KIAA0753: variants seen among roughly 807,000 people sequenced by gnomAD.
KIAA0753 encodes protein moonraker.
In KIAA0753, 114 loss-of-function variants were observed where a neutral mutation model predicts 116.9. That is an observed-to-expected ratio of 0.98 (90% CI 0.84 to 1.14). The LOEUF is 1.14. Among genes scored for constraint, KIAA0753 ranks in the 50% most tolerant of loss-of-function variants. KIAA0753 has a pLI of 0.00. For missense variants in KIAA0753, 1,156 were observed against 1,172.4 expected (o/e 0.99, Z 0.20); for synonymous variants, 405 against 413.1 (o/e 0.98, Z 0.24).
At chr17:6,629,827 TAGAA>T (rs1230583863) in intron 2 of KIAA0753, among the ~76,000 whole-genome samples, 5 of 152,302 alleles carry the variant, frequency 3.3e-5, no homozygotes, top group African/African-American at 1.2e-4. Flanking sequence ...AAAAAGTAGT[TAGAA>T]AGCTCACTAA....
intron 16 of KIAA0753, among the ~76,000 whole-genome samples, chr17:6,593,765 T>C (rs1969262030): frequency 6.6e-6 from 1 of 152,188 alleles, no homozygotes; most frequent in South Asian, 2.1e-4. Context: ...ACACCTGTAG[T>C]CCCAGCTACT....
chr17:6,612,461 G>A (rs1272888523), intron 7 of KIAA0753, among the ~76,000 whole-genome samples: 1 of 152,122 alleles, frequency 6.6e-6, no homozygotes, highest in Non-Finnish European at 1.5e-5. Context: ...ATTACCCAAG[G>A]TCAGGCTTGC....
At chr17:6,595,700 G>T (rs890447958) in intron 15 of KIAA0753, among the ~76,000 whole-genome samples, 1 of 152,100 alleles carries the variant, frequency 6.6e-6, no homozygotes, top group African/African-American at 2.4e-5. Context: ...ATAATCCAGG[G>T]GTTAGGCTGG....
chr17:6,584,203 C>A (rs1444816819), intron 18 of KIAA0753, among the ~76,000 whole-genome samples: 4 of 127,814 alleles, frequency 3.1e-5, no homozygotes, highest in Admixed American at 2.4e-4. Context: ...AGAAGTGCTG[C>A]TCATCTCCCT....
At chr17:6,625,115 C>T (rs1189145106) in intron 3 of KIAA0753, among the ~76,000 whole-genome samples, 2 of 152,190 alleles carry the variant, frequency 1.3e-5, no homozygotes, top group African/African-American at 4.8e-5. Context: ...AGCCAGAATT[C>T]CCACTGGACA....
rs1342935033 is a variant in KIAA0753, at chr17:6,635,009, A to T, written c.93+2T>A. 4.5e-6 allele frequency: 7 copies of T among 1,569,014 alleles called. No individual in the cohort carries two copies. The highest frequency in any genetic ancestry group is 1.3e-5 in the African/African-American group (1 of 74,128). On this transcript the variant is annotated splice_donor_variant, in intron 2 of 18. Coordinates refer to ENST00000361413, the MANE Select transcript of KIAA0753 (RefSeq NM_014804.3). LOFTEE classifies it high-confidence loss of function. ...AAAAATCTCAGGCAAAAATAGAACT[A>T]CCTGGGTCTGAAGTACTTTGGGGTC...
At chr17:6,608,000 C>T (rs1247722194) in intron 10 of KIAA0753, among the ~76,000 whole-genome samples, 2 of 152,170 alleles carry the variant, frequency 1.3e-5, no homozygotes, top group Non-Finnish European at 2.9e-5. Flanking sequence ...TACATAACTT[C>T]TCTATTGACT....
At chr17:6,588,160 T>C (rs913420271) in intron 18 of KIAA0753, among the ~76,000 whole-genome samples, 1 of 152,090 alleles carries the variant, frequency 6.6e-6, no homozygotes, top group Non-Finnish European at 1.5e-5. Flanking sequence ...AATCCCTTCC[T>C]CACCCCCACA....
Position 6,595,057 on chromosome 17 carries a change from T to TA in KIAA0753, c.2359-5dup, listed in dbSNP as rs751716629. On this transcript the variant is annotated splice_region_variant and splice_polypyrimidine_tract_variant and intron_variant, in intron 15 of 18. Transcript: ENST00000361413. ...GACGAACAGACTCCTGGTATTTCTT[T>TA]AAAAAAAAAGAAAAAAGTTTAATTT... 2.7e-4 allele frequency: 419 copies of TA among 1,532,038 alleles called. No individual in the cohort carries two copies. The highest frequency in any genetic ancestry group is 3.0e-4 in the Non-Finnish European group (341 of 1,121,086). The allele number at this position is 1,532,038 out of a possible 1,614,324, so 94.9% of individuals were successfully genotyped here. A position where few individuals can be genotyped will look rare whatever the true frequency, so the allele number is the denominator to read the frequency against.
chr17:6,606,334 TCAG>T (rs1302603498), intron 12 of KIAA0753, among the ~76,000 whole-genome samples: 1 of 152,206 alleles, frequency 6.6e-6, no homozygotes, highest in Admixed American at 6.5e-5. Context: ...TGAATTATTA[TCAG>T]AGTTGGAAAA....
At chr17:6,615,809 T>C (rs1437686087) in intron 7 of KIAA0753, among the ~76,000 whole-genome samples, 2 of 152,254 alleles carry the variant, frequency 1.3e-5, no homozygotes, top group East Asian at 3.9e-4. Context: ...ACCACCCTCA[T>C]TGCTGACAAG....
intron 12 of KIAA0753, among the ~76,000 whole-genome samples, chr17:6,600,671 C>T (rs968412485): frequency 1.3e-5 from 2 of 152,094 alleles, no homozygotes; most frequent in African/African-American, 4.8e-5. Context: ...CCAACAAGCT[C>T]CTAGGTGATG....
At chr17:6,588,181 G>A (rs1440229757) in intron 18 of KIAA0753, among the ~76,000 whole-genome samples, 2 of 152,056 alleles carry the variant, frequency 1.3e-5, no homozygotes, top group African/African-American at 2.4e-5. Flanking sequence ...AAAGAAGGAA[G>A]GTATATTCTT....
rs367709312 is a variant in KIAA0753, at chr17:6,578,860, T to C, written c.*887A>G. The C allele has an allele frequency of 6.6e-6, 1 of 152,352 alleles. No individual in the cohort carries two copies. Among genetic ancestry groups the C allele is most frequent in the African/African-American group, 2.4e-5 (1 of 41,586 alleles). 9.4% of individuals were successfully genotyped at this position (152,352 alleles called of 1,614,324 possible). Reference sequence around the variant, plus strand: ...AGGCTATGATGGTTCTTAAGTTTCTTCCTTTCTCTGGGGAGACACAGAGGT... The same window carrying C: ...AGGCTATGATGGTTCTTAAGTTTCTCCCTTTCTCTGGGGAGACACAGAGGT... On this transcript the variant is annotated 3_prime_UTR_variant, in exon 19 of 19. Coordinates refer to ENST00000361413, the MANE Select transcript of KIAA0753 (RefSeq NM_014804.3).
chr17:6,632,067 G>C (rs932428820), intron 2 of KIAA0753, among the ~76,000 whole-genome samples: 1 of 151,858 alleles, frequency 6.6e-6, no homozygotes, highest in African/African-American at 2.4e-5. Flanking sequence ...GTATTTTTTA[G>C]CAGAGATGGG....
chr17:6,603,115 G>C (rs183253794), intron 12 of KIAA0753, among the ~76,000 whole-genome samples: 3 of 152,224 alleles, frequency 2.0e-5, no homozygotes, highest in South Asian at 2.1e-4. Context: ...GTTAAAGTTG[G>C]AGGAAATCTC....
intron 9 of KIAA0753, among the ~76,000 whole-genome samples, chr17:6,609,047 G>A (rs1170659560): frequency 6.6e-6 from 1 of 152,150 alleles, no homozygotes. Flanking sequence ...CTGATTTTAG[G>A]TCTGGCTGTT....
chr17:6,620,186 G>C (rs1206948885), intron 7 of KIAA0753, among the ~76,000 whole-genome samples: 5 of 152,128 alleles, frequency 3.3e-5, no homozygotes, highest in Non-Finnish European at 7.4e-5. Flanking sequence ...AAATGTAACA[G>C]AAAACAAGAA....
intron 14 of KIAA0753, among the ~76,000 whole-genome samples, chr17:6,597,946 CTT>C: frequency 6.6e-6 from 1 of 152,348 alleles, no homozygotes; most frequent in East Asian, 1.9e-4. Flanking sequence ...AACACTGACT[CTT>C]GACGGTGCTG....
Sources: allele counts gnomAD v4.1 joint callset (sites outside exome capture counted in the v4.1 genomes callset), GRCh38; gene constraint gnomAD v4.1.1; transcripts MANE v1.5; gene names NCBI Gene and HGNC (gene_info 2026-07-23, HGNC 2026-07-21).